The following TOGARAM2 variants were observed in gnomAD, a reference collection of about 807,000 sequenced individuals.
The protein encoded by TOGARAM2 is TOG array regulator of axonemal microtubules 2.
In TOGARAM2, 85 loss-of-function variants were observed where a neutral mutation model predicts 93.3. That is an observed-to-expected ratio of 0.91 (90% confidence interval 0.76 to 1.09). TOGARAM2 has a LOEUF of 1.09. TOGARAM2 is among the 50% of genes least tolerant of loss of function. TOGARAM2 has a pLI of 0.00. For missense variants in TOGARAM2, 1,277 were observed against 1,334.5 expected (o/e 0.96, Z 0.67); for synonymous variants, 593 against 552.8 (o/e 1.07, Z -1.02).
chr2:28,973,341 C>CCCTTCCTTCCCTTCCTTCTTTCCT (rs1331669802), intron 1 of TOGARAM2, among the ~76,000 whole-genome samples: 3 of 140,472 alleles, frequency 2.1e-5, no homozygotes, highest in Non-Finnish European at 3.1e-5. Flanking sequence ...CTTAGCCCCT[C>CCCTTCCTTCCCTTCCTTCTTTCCT]CCTTCCTTCC....
intron 8 of TOGARAM2, 75 bp downstream of exon 8, chr2:29,014,636 G>C: frequency 6.6e-7 from 1 of 1,511,018 alleles, no homozygotes. Context: ...GCAAGTGTCT[G>C]AAGTATTCAA....
Position 28,999,441 on chromosome 2 carries a change from T to A in TOGARAM2, c.400T>A (p.Ser134Thr), listed in dbSNP as rs1673167733. ...IKDKLKKRRLSEGLAASSRAS... is the reference protein window; with the variant it reads ...IKDKLKKRRLTEGLAASSRAS... Reference sequence around the variant, plus strand: ...GGACAAGCTCAAGAAAAGGAGGCTCTCAGAGGGCTTGGCAGCGTCTTCCCG... The same window carrying A: ...GGACAAGCTCAAGAAAAGGAGGCTCACAGAGGGCTTGGCAGCGTCTTCCCG... The change falls in exon 4 of 20, where the codon TCA (serine) becomes ACA (threonine). Residue 134 changes from serine (S) to threonine (T), a missense_variant. Transcript: ENST00000379558. The A allele has an allele frequency of 1.2e-6, 2 of 1,611,406 alleles. No individual in the cohort carries two copies. The highest frequency in any genetic ancestry group is 1.7e-6 in the Non-Finnish European group (2 of 1,178,690).
chr2:29,032,966 T>A lies in TOGARAM2; in HGVS notation c.2045T>A (p.Met682Lys). The A allele has an allele frequency of 6.2e-7, 1 of 1,613,954 alleles. No homozygotes were observed. The highest frequency in any genetic ancestry group is 8.5e-7 in the Non-Finnish European group (1 of 1,179,870). The change falls in exon 15 of 20, where the codon ATG (methionine) becomes AAG (lysine). Residue 682 changes from methionine (M) to lysine (K), a missense_variant. Transcript: ENST00000379558. ...GGCCGGAAGATGGTGAATATCTTGA[T>A]GGCGAACACTAAGTTTGATGCATTT... The part of the protein sequence containing the change: ...FYGRKMVNIL[M>K]ANTKFDAFLK...
chr2:29,029,569 A>G (rs1665625122), intron 14 of TOGARAM2, among the ~76,000 whole-genome samples: 1 of 151,872 alleles, frequency 6.6e-6, no homozygotes, highest in Non-Finnish European at 1.5e-5. Flanking sequence ...ATCCTGGCTA[A>G]TACGGTGAAA....
intron 18 of TOGARAM2, among the ~76,000 whole-genome samples, chr2:29,037,593 C>G (rs1461074864): frequency 6.6e-6 from 1 of 152,172 alleles, no homozygotes; most frequent in Non-Finnish European, 1.5e-5. Context: ...CCGACCCCAC[C>G]CCACTTCCTG....
At chr2:28,982,342 C>T (rs1458477881) in intron 1 of TOGARAM2, among the ~76,000 whole-genome samples, 1 of 152,136 alleles carries the variant, frequency 6.6e-6, no homozygotes, top group Non-Finnish European at 1.5e-5. Context: ...GCCATTTCCT[C>T]AGGAGCGCTG....
At chr2:28,996,605 T>G (rs1673000054) in intron 2 of TOGARAM2, among the ~76,000 whole-genome samples, 1 of 152,000 alleles carries the variant, frequency 6.6e-6, no homozygotes, top group Non-Finnish European at 1.5e-5. Flanking sequence ...GCAGATTGCA[T>G]GAGCTCAGGA....
intron 7 of TOGARAM2, 105 bp from the exon 8 acceptor site, chr2:29,014,290 A>G: frequency 7.4e-7 from 1 of 1,360,432 alleles, no homozygotes; most frequent in Non-Finnish European, 1.0e-6. Flanking sequence ...TTGAGGAAGA[A>G]TTGAGGGTGT....
chr2:28,981,738 T>C (rs1558399236), intron 1 of TOGARAM2, among the ~76,000 whole-genome samples, 200 bp downstream of exon 1: 2 of 152,220 alleles, frequency 1.3e-5, no homozygotes, highest in Non-Finnish European at 2.9e-5. Flanking sequence ...TGGGCCTTCA[T>C]GTGGCAGCTC....
chr2:29,026,973 C>G lies in TOGARAM2; in HGVS notation c.1974C>G (p.Asn658Lys). 1 of 1,566,670 alleles carries G rather than the reference C, an allele frequency of 6.4e-7. No homozygotes were observed. The highest frequency in any genetic ancestry group is 1.2e-5 in the South Asian group (1 of 84,660). Residue 658 changes from asparagine to lysine, a missense_variant, in exon 14 of 20, where the codon AAC (asparagine) becomes AAG (lysine). Physicochemically the swap from Asn to Lys is moderately conservative, Grantham distance 94 (BLOSUM62 0). Transcript: ENST00000379558. ...TRDSTDMLVH[N>K]LVRLAQDSNQ... ...ACAGCACAGACATGTTGGTGCACAA[C>G]CTGGTGAGGCTGGCACAGGACTCCA...
chr2:28,999,615 C>T, intron 4 of TOGARAM2, 147 bp downstream of exon 4: 2 of 963,928 alleles, frequency 2.1e-6, no homozygotes, highest in South Asian at 1.8e-5. Context: ...GGTACCTTCT[C>T]TATGGCTTCA....
intron 1 of TOGARAM2, among the ~76,000 whole-genome samples, chr2:28,966,662 A>G (rs944972909): frequency 3.0e-4 from 45 of 152,222 alleles, no homozygotes; most frequent in African/African-American, 1.1e-3. Context: ...TCTTGAAATA[A>G]CAATTGCAGC....
rs1423691589 is a variant in TOGARAM2, at chr2:29,024,167, A to C, written c.1646A>C (p.His549Pro). The C allele has an allele frequency of 6.3e-7, 1 of 1,591,134 alleles. No homozygotes were observed. Among genetic ancestry groups the C allele is most frequent in the African/African-American group, 1.3e-5 (1 of 74,546 alleles). Reference protein sequence around the residue: ...EVTNLRSKVSHLAISTLGDLF... With the variant: ...EVTNLRSKVSPLAISTLGDLF... Reference sequence around the variant, plus strand: ...ACCAACCTGCGGTCCAAGGTGTCTCACCTGGCCATCAGCACCTTGGGAGAC... The same window carrying C: ...ACCAACCTGCGGTCCAAGGTGTCTCCCCTGGCCATCAGCACCTTGGGAGAC... Residue 549 changes from histidine to proline, a missense_variant, in exon 13 of 20, where the codon CAC becomes CCC. His to Pro is a moderately conservative substitution (Grantham distance 77). Transcript: ENST00000379558.
intron 1 of TOGARAM2, 51 bp from the exon 2 acceptor site, chr2:28,994,674 A>G: frequency 1.5e-6 from 1 of 647,236 alleles, no homozygotes. Flanking sequence ...GAAGTAGTTT[A>G]AAAGTGTTAA....
At chr2:28,976,929 GT>G (rs1672047052), upstream of TOGARAM2, among the ~76,000 whole-genome samples, 4 of 152,198 alleles carry the variant, frequency 2.6e-5, no homozygotes, top group Admixed American at 2.6e-4. Context: ...CTTGGAGGGG[GT>G]GGGGCAGTGG....
At chr2:28,982,424 C>A (rs967557797) in intron 1 of TOGARAM2, among the ~76,000 whole-genome samples, 9 of 152,142 alleles carry the variant, frequency 5.9e-5, no homozygotes, top group Non-Finnish European at 1.5e-5. Flanking sequence ...TGGTGCCTGG[C>A]CCCAGGAAGT....
chr2:29,041,016 CTT>C (rs766733428), intron 18 of TOGARAM2, among the ~76,000 whole-genome samples: 15 of 145,476 alleles, frequency 1.0e-4, no homozygotes, highest in Non-Finnish European at 1.9e-4. Flanking sequence ...TGATTATACT[CTT>C]GAGTCACTTT....
intron 6 of TOGARAM2, among the ~76,000 whole-genome samples, chr2:29,005,504 T>C (rs1469028091): frequency 9.9e-6 from 1 of 100,752 alleles, no homozygotes; most frequent in Non-Finnish European, 2.3e-5. Flanking sequence ...TGAGTGCATG[T>C]GTTTGTGTAA....
intron 1 of TOGARAM2, among the ~76,000 whole-genome samples, chr2:28,973,554 G>A (rs761551404): frequency 2.9e-5 from 4 of 139,224 alleles, no homozygotes; most frequent in South Asian, 2.4e-4. Context: ...TCACAGTCTC[G>A]CTTTGTTACC....
Sources: allele counts gnomAD v4.1 joint callset (sites outside exome capture counted in the v4.1 genomes callset), GRCh38; gene constraint gnomAD v4.1.1; transcripts MANE v1.5; gene names NCBI Gene and HGNC (gene_info 2026-07-23, HGNC 2026-07-21).